Variants in RBFOX1 observed in about 807,000 individuals in gnomAD.
RBFOX1 encodes the protein RNA binding fox-1 homolog 1, also known as RNA binding protein fox-1 homolog 1.
RBFOX1 carries 8 observed loss-of-function variants against 57.7 expected under a neutral mutation model. The ratio of observed to expected loss-of-function variants is 0.14; its 90% CI spans 0.08 to 0.25. The LOEUF is 0.25. Ranked by LOEUF, RBFOX1 falls within the 10% of genes least tolerant of loss-of-function variation. The pLI is 1.00. For missense variants in RBFOX1, 611 were observed against 548.5 expected, an observed-to-expected ratio of 1.11 and a Z score of -1.14; for synonymous variants, 326 against 222.4, an observed-to-expected ratio of 1.47 and a Z score of -4.15.
At chr16:7,447,962 A>T (rs1025209860) in intron 4 of RBFOX1, among the ~76,000 whole-genome samples, 1 of 152,210 alleles carries the variant, frequency 6.6e-6, no homozygotes, top group Non-Finnish European at 1.5e-5. Context: ...CAAAGTACTG[A>T]ATCAGGATCT....
At chr16:5,895,936 G>A (rs760005423) in intron 4 of RBFOX1, among the ~76,000 whole-genome samples, 3 of 152,314 alleles carry the variant, frequency 2.0e-5, no homozygotes, top group Non-Finnish European at 4.4e-5. Flanking sequence ...GAAGAATGAA[G>A]TCTGTATTCC....
intron 1 of RBFOX1, among the ~76,000 whole-genome samples, chr16:6,046,014 C>A (rs1017018077): frequency 6.6e-6 from 1 of 152,194 alleles, no homozygotes; most frequent in Non-Finnish European, 1.5e-5. Flanking sequence ...AGGAAGGGAA[C>A]GTCTCATGCA....
intron 3 of RBFOX1, among the ~76,000 whole-genome samples, chr16:6,948,579 A>G (rs1278124135): frequency 6.6e-6 from 1 of 151,494 alleles, no homozygotes; most frequent in Admixed American, 6.6e-5. Flanking sequence ...ACAGGGTTTC[A>G]CCATGTTGGC....
chr16:5,566,958 T>G (rs2046094475), intron 2 of RBFOX1, among the ~76,000 whole-genome samples: 1 of 152,194 alleles, frequency 6.6e-6, no homozygotes, highest in Non-Finnish European at 1.5e-5. Context: ...TTCATCAGAA[T>G]GAAGTGGCTT....
At chr16:6,605,618 TAC>T (rs2154017307) in intron 2 of RBFOX1, among the ~76,000 whole-genome samples, 1 of 152,346 alleles carries the variant, frequency 6.6e-6, no homozygotes, top group South Asian at 2.1e-4. Flanking sequence ...TGACTTCAAG[TAC>T]AGAGTGAAAA....
chr16:6,516,693 G>A (rs949856110), intron 2 of RBFOX1, among the ~76,000 whole-genome samples: 10 of 152,134 alleles, frequency 6.6e-5, no homozygotes, highest in South Asian at 2.1e-4. Context: ...CCAATTATTC[G>A]TGGTGCTAGT....
chr16:5,692,937 T>C (rs1213269390), intron 3 of RBFOX1, among the ~76,000 whole-genome samples: 1 of 152,220 alleles, frequency 6.6e-6, no homozygotes, highest in Non-Finnish European at 1.5e-5. Flanking sequence ...AGGTACATTC[T>C]GAGACAGAAG....
At chr16:5,649,939 A>G (rs2151358182) in intron 3 of RBFOX1, among the ~76,000 whole-genome samples, 1 of 152,330 alleles carries the variant, frequency 6.6e-6, no homozygotes, top group Non-Finnish European at 1.5e-5. Flanking sequence ...CGAGTTCGCA[A>G]GAATCGCCTC....
At chr16:5,960,814 C>T (rs1054358341) in intron 4 of RBFOX1, among the ~76,000 whole-genome samples, 30 of 152,130 alleles carry the variant, frequency 2.0e-4, no homozygotes, top group Admixed American at 1.8e-3. Flanking sequence ...GAATTGAAGC[C>T]AAGTGTCTCT....
At chr16:5,793,208 C>T (rs1285231318) in intron 3 of RBFOX1, among the ~76,000 whole-genome samples, 1 of 152,226 alleles carries the variant, frequency 6.6e-6, no homozygotes, top group African/African-American at 2.4e-5. Context: ...CTTAGAGAGG[C>T]CAGGAGCCCA....
chr16:6,969,989 A>G (rs948443227), intron 3 of RBFOX1, among the ~76,000 whole-genome samples: 25 of 152,058 alleles, frequency 1.6e-4, no homozygotes, highest in African/African-American at 5.3e-4. Context: ...TAAAGTCCTT[A>G]CAAGCCTGGG....
intron 2 of RBFOX1, among the ~76,000 whole-genome samples, chr16:6,423,576 C>T (rs2093835558): frequency 6.6e-6 from 1 of 152,024 alleles, no homozygotes; most frequent in Admixed American, 6.5e-5. Context: ...TCCAGCCTGG[C>T]TGGGTGACAG....
At chr16:6,004,761 CT>C (rs763983366) in intron 4 of RBFOX1, among the ~76,000 whole-genome samples, 2 of 152,146 alleles carry the variant, frequency 1.3e-5, no homozygotes, top group Non-Finnish European at 2.9e-5. Flanking sequence ...GCTTTATTGA[CT>C]TGGTGAACCT....
At position 6,246,416 on chromosome 16, in the gene RBFOX1, G is replaced by C. The variant is rs143776142; in HGVS notation, c.-126-70579G>C. On this transcript the variant is annotated intron_variant, in intron 1 of 15. Transcript: ENST00000550418. ...TGATCTCCCCTTTCCCCAAAAGCAA[G>C]GGATTGCAAGTAACAGAACCCCATG... Among the ~76,000 whole-genome samples, 112 of 152,230 alleles carry C rather than the reference G, an allele frequency of 7.4e-4. 3 individuals are homozygous for C. The East Asian group carries it at 0.018, about 24-fold the overall frequency.
chr16:6,719,957 G>C (rs1260669968), intron 3 of RBFOX1, among the ~76,000 whole-genome samples: 2 of 151,912 alleles, frequency 1.3e-5, no homozygotes, highest in African/African-American at 4.8e-5. Flanking sequence ...AGCCGGGGGT[G>C]ATGGCAGGCG....
chr16:6,370,953 T>A (rs1483892143), intron 2 of RBFOX1, among the ~76,000 whole-genome samples: 2 of 152,206 alleles, frequency 1.3e-5, no homozygotes, highest in African/African-American at 4.8e-5. Context: ...TGGATGACCC[T>A]CAATTTGGGT....
intron 4 of RBFOX1, among the ~76,000 whole-genome samples, chr16:7,313,141 C>T (rs542783163): frequency 6.6e-6 from 1 of 152,316 alleles, no homozygotes; most frequent in South Asian, 2.1e-4. Context: ...TTTCTGGAAA[C>T]ACAAAAGCGC....
At chr16:6,981,753 A>T (rs541794548) in intron 3 of RBFOX1, among the ~76,000 whole-genome samples, 1 of 152,096 alleles carries the variant, frequency 6.6e-6, no homozygotes, top group Non-Finnish European at 1.5e-5. Context: ...TCATGATTCA[A>T]TTATTTCCCG....
At chr16:5,859,871 G>A (rs1015640085) in intron 3 of RBFOX1, among the ~76,000 whole-genome samples, 5 of 152,166 alleles carry the variant, frequency 3.3e-5, no homozygotes, top group Admixed American at 1.3e-4. Context: ...TCTAGGCAGC[G>A]CCTGCTGGGC....
Sources: allele counts gnomAD v4.1 joint callset (sites outside exome capture counted in the v4.1 genomes callset), GRCh38; gene constraint gnomAD v4.1.1; transcripts MANE v1.5; gene names NCBI Gene and HGNC (gene_info 2026-07-23, HGNC 2026-07-21).